The following PTCSC3 variants were observed in gnomAD, a reference collection of about 807,000 sequenced individuals.
The protein encoded by PTCSC3 is papillary thyroid carcinoma susceptibility candidate 3.
At chr14:36,156,159 G>A (rs957968102) in intron 2 of PTCSC3, among the ~76,000 whole-genome samples, 3 of 152,280 alleles carry the variant, frequency 2.0e-5, no homozygotes, top group South Asian at 4.1e-4. Flanking sequence ...GTACATCACC[G>A]TACGTCTCTG....
intron 1 of PTCSC3, among the ~76,000 whole-genome samples, chr14:36,167,228 A>G (rs1045489010): frequency 6.6e-6 from 1 of 152,188 alleles, no homozygotes. Context: ...AACTTATTTT[A>G]TGATGAAATC....
At chr14:36,155,444 TTTA>T (rs1290589464) in intron 2 of PTCSC3, among the ~76,000 whole-genome samples, 2 of 152,078 alleles carry the variant, frequency 1.3e-5, no homozygotes, top group African/African-American at 4.8e-5. Context: ...GCATACACTC[TTTA>T]TTTTGTATTT....
chr14:36,149,739 C>T (rs924027527), intron 3 of PTCSC3, among the ~76,000 whole-genome samples: 2 of 152,092 alleles, frequency 1.3e-5, no homozygotes, highest in Non-Finnish European at 1.5e-5. Flanking sequence ...ATTTCCTTGC[C>T]TTGATTCTGC....
intron 2 of PTCSC3, among the ~76,000 whole-genome samples, chr14:36,155,551 G>C (rs936695075): frequency 1.3e-5 from 2 of 152,020 alleles, no homozygotes; most frequent in Admixed American, 1.3e-4. Context: ...GAGAGTCTTA[G>C]TTAGAAGGTT....
At chr14:36,159,242 T>C (rs7492877) in intron 2 of PTCSC3, among the ~76,000 whole-genome samples, 88,733 of 146,772 alleles carry the variant, frequency 0.6, 27,752 homozygotes, top group Non-Finnish European at 0.68. Context: ...GCGTCTTTAT[T>C]TCCTTCAGTC....
At chr14:36,147,982 A>G (rs1881625535) in intron 3 of PTCSC3, among the ~76,000 whole-genome samples, 1 of 152,012 alleles carries the variant, frequency 6.6e-6, no homozygotes, top group African/African-American at 2.4e-5. Flanking sequence ...CTCGGGGGTC[A>G]GGGGTCAGGG....
intron 2 of PTCSC3, among the ~76,000 whole-genome samples, chr14:36,154,162 C>T (rs1881781562): frequency 6.6e-6 from 1 of 151,852 alleles, no homozygotes; most frequent in Non-Finnish European, 1.5e-5. Context: ...AATTAAAACA[C>T]AGGCACAAAT....
intron 3 of PTCSC3, among the ~76,000 whole-genome samples, chr14:36,145,186 G>C (rs1881531037): frequency 1.4e-5 from 2 of 145,928 alleles, no homozygotes; most frequent in South Asian, 4.4e-4. Context: ...AGATGAGTTA[G>C]GGAGGATTCC....
At chr14:36,148,637 G>A (rs28762456) in intron 3 of PTCSC3, among the ~76,000 whole-genome samples, 21 of 152,122 alleles carry the variant, frequency 1.4e-4, no homozygotes, top group African/African-American at 5.1e-4. Context: ...CCTTGCTCAC[G>A]CTGGTAGCTG....
chr14:36,173,878 T>C (rs2139115502), intron 1 of PTCSC3, among the ~76,000 whole-genome samples: 1 of 152,302 alleles, frequency 6.6e-6, no homozygotes, highest in East Asian at 1.9e-4. Flanking sequence ...TGACAGTTTT[T>C]TCTTTCAGTA....
rs946614958 is a variant in PTCSC3 at position 36,145,546 on chromosome 14, T to C, written n.322+8258A>G. Among the ~76,000 whole-genome samples the C allele has an allele frequency of 9.8e-4, 142 of 144,212 alleles. 2 individuals are homozygous for C. Among genetic ancestry groups the C allele is most frequent in the Non-Finnish European group, 1.7e-4 (11 of 65,966 alleles). The allele number at this position is 144,212 out of a possible 152,430, so 94.6% of individuals were successfully genotyped here. Reference sequence around the variant, plus strand: ...TTTTATTGTGTCTATTTGATTCTTCTCTCTTTTTTTCTTTATTAGTCTTGC... The same window carrying C: ...TTTTATTGTGTCTATTTGATTCTTCCCTCTTTTTTTCTTTATTAGTCTTGC... On this transcript the variant is annotated intron_variant and non_coding_transcript_variant, in intron 3 of 3. Coordinates refer to ENST00000556013, the Ensembl canonical transcript of PTCSC3.
intron 3 of PTCSC3, among the ~76,000 whole-genome samples, chr14:36,142,654 C>G (rs867874662): frequency 8.0e-4 from 115 of 144,196 alleles, no homozygotes; most frequent in African/African-American, 2.7e-3. Context: ...CATTCAATTT[C>G]TTTTTTTTTT....
At chr14:36,174,536 GTAGA>G (rs533334404) in intron 1 of PTCSC3, among the ~76,000 whole-genome samples, 94 of 152,186 alleles carry the variant, frequency 6.2e-4, no homozygotes, top group Middle Eastern at 6.8e-3. Context: ...ACAACACACT[GTAGA>G]TAGTCTAGAT....
At chr14:36,175,409 T>A (rs943445646) in intron 1 of PTCSC3, among the ~76,000 whole-genome samples, 8 of 152,148 alleles carry the variant, frequency 5.3e-5, no homozygotes, top group African/African-American at 1.9e-4. Context: ...TGGTTAGAGA[T>A]GGAAGTTCAG....
Position 36,162,068 on chromosome 14 carries a change from T to G in PTCSC3, n.231+556A>C, listed in dbSNP as rs547685353. On this transcript the variant is annotated intron_variant and non_coding_transcript_variant, in intron 2 of 3. Coordinates refer to ENST00000556013, the Ensembl canonical transcript of PTCSC3. Reference sequence around the variant, plus strand: ...GCAGATGCCCCTCCCCTCACCAAGCTCGAGTGTCCCAGGTCAACTTCAGAC... The same window carrying G: ...GCAGATGCCCCTCCCCTCACCAAGCGCGAGTGTCCCAGGTCAACTTCAGAC... 4.6e-5 allele frequency among the ~76,000 whole-genome samples: 7 copies of G among 151,962 alleles called. No individual in the cohort carries two copies. The East Asian group carries it at 1.2e-3, about 25-fold the overall frequency.
intron 3 of PTCSC3, among the ~76,000 whole-genome samples, chr14:36,147,262 C>T (rs1443904336): frequency 3.9e-5 from 6 of 152,170 alleles, no homozygotes; most frequent in Admixed American, 3.9e-4. Context: ...GCATGTTTTC[C>T]AATTTGGTTC....
In PTCSC3 at chr14:36,172,009, C is replaced by T. The variant is rs191710465; in HGVS notation, n.171+4289G>A. ...GCAAGGAGAAAAATAAAAGCTGAAA[C>T]TTCTAATCAAACCTCTAATCAGAAA... On this transcript the variant is annotated intron_variant and non_coding_transcript_variant, in intron 1 of 3. Transcript: ENST00000556013. Among the ~76,000 whole-genome samples, 32 of 152,238 alleles carry T rather than the reference C, an allele frequency of 2.1e-4. 1 individual carries two copies. The Middle Eastern group carries it at 0.014, about 65-fold the overall frequency.
downstream of PTCSC3, among the ~76,000 whole-genome samples, chr14:36,134,969 G>T (rs2139083467): frequency 6.6e-6 from 1 of 152,274 alleles, no homozygotes; most frequent in South Asian, 2.1e-4. Context: ...GGATTTATCT[G>T]CTTTTGACAT....
intron 3 of PTCSC3, among the ~76,000 whole-genome samples, chr14:36,149,213 TTTAA>T (rs1248944678): frequency 6.6e-6 from 1 of 152,202 alleles, no homozygotes; most frequent in Non-Finnish European, 1.5e-5. Context: ...TCATTTATTT[TTTAA>T]TTTTCTTGAA....
Sources: allele counts gnomAD v4.1 joint callset (sites outside exome capture counted in the v4.1 genomes callset), GRCh38; gene constraint gnomAD v4.1.1; transcripts MANE v1.5; gene names NCBI Gene and HGNC (gene_info 2026-07-23, HGNC 2026-07-21).